The following TCF4 variants were observed in gnomAD, a reference collection of about 807,000 sequenced individuals.
TCF4 encodes the protein SL3-3 enhancer factor 2.
In TCF4, 3 loss-of-function variants were observed where a neutral mutation model predicts 82.1. The observed-to-expected ratio is 0.04, with a 90% CI of 0.02 to 0.09. The LOEUF is 0.09. TCF4 is among the 10% of genes least tolerant of loss of function. The pLI is 1.00. For missense variants in TCF4, 518 were observed against 852.7 expected, an observed-to-expected ratio of 0.61 and a Z score of 4.89; for synonymous variants, 276 against 309.6, an observed-to-expected ratio of 0.89 and a Z score of 1.14.
chr18:55,499,805 T>C (rs1041006469), intron 3 of TCF4, among the ~76,000 whole-genome samples: 1 of 152,220 alleles, frequency 6.6e-6, no homozygotes, highest in Admixed American at 6.5e-5. Context: ...TGGGAGCTTT[T>C]ATTAAAATAC....
chr18:55,417,406 A>T (rs576539396), intron 5 of TCF4, among the ~76,000 whole-genome samples: 1 of 152,354 alleles, frequency 6.6e-6, no homozygotes, highest in African/African-American at 2.4e-5. Flanking sequence ...GAAAGTGATC[A>T]TTGGATTAGG....
Position 55,471,787 on chromosome 18 carries a change from G to A in TCF4, c.146-7650C>T, listed in dbSNP as rs2096188036. Among the ~76,000 whole-genome samples, 3 of 150,158 alleles carry A rather than the reference G, an allele frequency of 2.0e-5. No homozygotes were observed. In the South Asian group the frequency reaches 6.3e-4, roughly 32 times the overall value. On this transcript the variant is annotated intron_variant, in intron 3 of 19. Transcript: ENST00000354452. ...TCTCAAAAAAAAAAAAAAAAGATAA[G>A]TCAAATATAAAGAATACAGACCTGG...
chr18:55,270,011 T>G, intron 10 of TCF4, 48 bp from the exon 11 acceptor site: 1 of 1,609,514 alleles, frequency 6.2e-7, no homozygotes, highest in Non-Finnish European at 8.5e-7. Context: ...CATAAGGTAT[T>G]TAGTGAGTTA....
intron 3 of TCF4, among the ~76,000 whole-genome samples, chr18:55,565,633 T>C (rs191604535): frequency 6.6e-6 from 1 of 152,144 alleles, no homozygotes; most frequent in Non-Finnish European, 1.5e-5. Context: ...TGAGGGTTAG[T>C]AGAAATAACA....
chr18:55,567,728 C>T (rs1397752600), intron 3 of TCF4, among the ~76,000 whole-genome samples: 11 of 151,506 alleles, frequency 7.3e-5, no homozygotes, highest in Admixed American at 7.2e-4. Context: ...AAAAAAAGGA[C>T]ACAATCAACA....
chr18:55,412,944 G>A (rs1404798644), intron 5 of TCF4, among the ~76,000 whole-genome samples: 2 of 152,132 alleles, frequency 1.3e-5, no homozygotes, highest in African/African-American at 2.4e-5. Context: ...AGGTTTGTTT[G>A]TTATAGAGTA....
chr18:55,507,245 T>A (rs2096772183), intron 3 of TCF4, among the ~76,000 whole-genome samples: 1 of 152,214 alleles, frequency 6.6e-6, no homozygotes, highest in Non-Finnish European at 1.5e-5. Context: ...ATTGCCAGAT[T>A]CACTACTTTT....
At chr18:55,538,034 A>G (rs945776432) in intron 3 of TCF4, among the ~76,000 whole-genome samples, 304 of 149,260 alleles carry the variant, frequency 2.0e-3, no homozygotes, top group Middle Eastern at 0.011. Flanking sequence ...GCGCACACAC[A>G]CACACACACA....
At chr18:55,600,396 A>G (rs575115387) in intron 2 of TCF4, among the ~76,000 whole-genome samples, 4 of 152,336 alleles carry the variant, frequency 2.6e-5, no homozygotes, top group African/African-American at 9.6e-5. Flanking sequence ...GTATAGATTT[A>G]TATATTGCTG....
intron 2 of TCF4, among the ~76,000 whole-genome samples, chr18:55,602,720 G>T (rs941329220): frequency 6.6e-6 from 1 of 152,142 alleles, no homozygotes; most frequent in African/African-American, 2.4e-5. Flanking sequence ...CATGGTTTTA[G>T]ATGTTGTCTA....
intron 3 of TCF4, among the ~76,000 whole-genome samples, chr18:55,543,069 T>A (rs1463196326): frequency 2.0e-5 from 3 of 152,060 alleles, no homozygotes; most frequent in African/African-American, 7.2e-5. Flanking sequence ...GAAGTTAAAA[T>A]TGTTTGGACA....
At chr18:55,247,049 GA>G (rs1430431556) in intron 15 of TCF4, among the ~76,000 whole-genome samples, 1 of 152,190 alleles carries the variant, frequency 6.6e-6, no homozygotes, top group Non-Finnish European at 1.5e-5. Flanking sequence ...GCTTCACAGT[GA>G]GTGCTGCATG....
At chr18:55,497,338 CCATATCTAATAGT>C (rs1377780681) in intron 3 of TCF4, among the ~76,000 whole-genome samples, 3 of 152,014 alleles carry the variant, frequency 2.0e-5, no homozygotes, top group Admixed American at 2.0e-4. Context: ...TATGCAATTA[CCATATCTAATAGT>C]CAATTACATG....
At chr18:55,300,210 C>A (rs1376490309) in intron 8 of TCF4, among the ~76,000 whole-genome samples, 1 of 152,034 alleles carries the variant, frequency 6.6e-6, no homozygotes, top group Non-Finnish European at 1.5e-5. Flanking sequence ...AAAACATGTC[C>A]CAAGCTTCTG....
chr18:55,390,160 T>C (rs2092949215), intron 6 of TCF4, among the ~76,000 whole-genome samples: 1 of 151,334 alleles, frequency 6.6e-6, no homozygotes, highest in African/African-American at 2.4e-5. Context: ...ATTTGGAAAG[T>C]GATAAATACT....
intron 3 of TCF4, among the ~76,000 whole-genome samples, chr18:55,568,691 G>A (rs556111145): frequency 6.6e-6 from 1 of 152,172 alleles, no homozygotes; most frequent in African/African-American, 2.4e-5. Context: ...AGAACAGATT[G>A]TTTCATCCTT....
chr18:55,480,296 AGCGGGGGG>A (rs1443095924), intron 3 of TCF4, among the ~76,000 whole-genome samples: 1 of 63,356 alleles, frequency 1.6e-5, no homozygotes, highest in Non-Finnish European at 3.0e-5. Flanking sequence ...AAAAAAAAAA[AGCGGGGGG>A]GCGGGGGGAG....
chr18:55,474,228 G>C (rs992996531), intron 3 of TCF4, among the ~76,000 whole-genome samples: 1 of 152,118 alleles, frequency 6.6e-6, no homozygotes, highest in African/African-American at 2.4e-5. Context: ...TTTACTCCAT[G>C]GGCTCAATAG....
intron 15 of TCF4, among the ~76,000 whole-genome samples, chr18:55,241,067 C>G (rs751918598): frequency 6.6e-6 from 1 of 152,144 alleles, no homozygotes; most frequent in African/African-American, 2.4e-5. Context: ...TCTAAATGAT[C>G]CTGACCTTGG....
Sources: gnomAD v4.1 joint callset for allele counts (sites outside exome capture counted in the v4.1 genomes callset) on GRCh38, gnomAD v4.1.1 for gene constraint, MANE v1.5 for transcripts, NCBI Gene and HGNC (gene_info 2026-07-23, HGNC 2026-07-21) for gene names.